Variants in CDH23 observed in about 807,000 individuals in gnomAD.
CDH23 encodes cadherin related 23.
In CDH23, 189 loss-of-function variants were observed where a neutral mutation model predicts 317.1. That is an observed-to-expected ratio of 0.60 (90% CI 0.53 to 0.67). The LOEUF is 0.67. CDH23 is among the 30% of genes least tolerant of loss of function. The probability of loss-of-function intolerance (pLI) is 0.00; values close to 1 mark genes in which losing one functional copy is unlikely to be tolerated. For missense variants in CDH23, 4,401 were observed against 4,592.4 expected (o/e 0.96, Z 1.20); for synonymous variants, 1,839 against 1,876.8 (o/e 0.98, Z 0.52).
chr10:71,799,495 G>A lies in CDH23; in HGVS notation c.7228G>A (p.Ala2410Thr). Residue 2410 changes from alanine to threonine, a missense_variant, in exon 52 of 70, where the codon GCT (alanine) becomes ACT (threonine). Ala to Thr is a moderately conservative substitution (Grantham distance 58). Coordinates refer to ENST00000224721, the MANE Select transcript of CDH23 (RefSeq NM_022124.6). ...CTCCCTGCCCCCTGGGCTCCAGGAGGCTGTCTTTGAGGATGTGCCTGTGGG... is the reference window on the plus strand; with the variant it reads ...CTCCCTGCCCCCTGGGCTCCAGGAGACTGTCTTTGAGGATGTGCCTGTGGG... Reference protein sequence around the residue: ...PIFDQPSYQEAVFEDVPVGTI... With the variant: ...PIFDQPSYQETVFEDVPVGTI... 1 of 1,614,058 alleles carries A rather than the reference G, an allele frequency of 6.2e-7. No homozygotes were observed. The highest frequency in any genetic ancestry group is 8.5e-7 in the Non-Finnish European group (1 of 1,179,918).
rs148820070 is a variant in CDH23, at chr10:71,533,125, A to G, written c.429+21913A>G. Among the ~76,000 whole-genome samples, 147 of 152,272 alleles carry G rather than the reference A, an allele frequency of 9.7e-4. 3 individuals carry two copies. The East Asian group carries it at 0.025, about 26-fold the overall frequency. On this transcript the variant is annotated intron_variant, in intron 6 of 69. Transcript: ENST00000224721. ...GTTCTGGCCTCTGCTGGGTGGGACT[A>G]CGTCTTTGTAGACCATGGATTGCTG...
chr10:71,529,392 G>A (rs946397340), intron 6 of CDH23, among the ~76,000 whole-genome samples: 7 of 152,296 alleles, frequency 4.6e-5, no homozygotes, highest in Middle Eastern at 3.4e-3. Context: ...GGTGCAGGGA[G>A]GAGAGCGCTG....
At chr10:71,768,515 C>T (rs545992652) in intron 38 of CDH23, among the ~76,000 whole-genome samples, 52 of 151,448 alleles carry the variant, frequency 3.4e-4, no homozygotes, top group African/African-American at 1.2e-3. Context: ...GCTCTTCACT[C>T]AGGCTGGAAT....
Position 71,446,348 on chromosome 10 carries a change from A to T in CDH23, c.98A>T (p.Asn33Ile). The T allele has an allele frequency of 6.2e-7, 1 of 1,613,994 alleles. No individual in the cohort carries two copies. The highest frequency in any genetic ancestry group is 8.5e-7 in the Non-Finnish European group (1 of 1,179,880). The change falls in exon 3 of 70, where the codon AAC becomes ATC. Residue 33 changes from asparagine to isoleucine, a missense_variant. Asn to Ile is a moderately radical substitution (Grantham distance 149). Transcript: ENST00000224721. ...GQVNRLPFFT[N>I]HFFDTYLLIS... ...GTGAACCGGCTGCCCTTCTTCACCAACCACTTCTTTGATACATACCTGCTG... is the reference window on the plus strand; with the variant it reads ...GTGAACCGGCTGCCCTTCTTCACCATCCACTTCTTTGATACATACCTGCTG...
At chr10:71,548,254 G>A (rs1370337972) in intron 6 of CDH23, among the ~76,000 whole-genome samples, 1 of 152,218 alleles carries the variant, frequency 6.6e-6, no homozygotes, top group Non-Finnish European at 1.5e-5. Flanking sequence ...GCGGGGTGGA[G>A]ACAGAGAGGG....
Position 71,811,601 on chromosome 10 carries a change from C to A in CDH23, c.9278+11C>A. ...GTACTACAGGACTGTGTGAGTGTCC[C>A]CCACCCCTGCCATCAGGGGGCCGAC... is the stretch of plus-strand genomic sequence containing the variant. On this transcript the variant is annotated intron_variant, in intron 64 of 69. Coordinates refer to ENST00000224721, the MANE Select transcript of CDH23 (RefSeq NM_022124.6). 1 of 1,613,944 alleles carries A rather than the reference C, an allele frequency of 6.2e-7. No homozygotes were observed. Among genetic ancestry groups the A allele is most frequent in the Non-Finnish European group, 8.5e-7 (1 of 1,179,884 alleles).
chr10:71,422,790 G>A (rs1240913565), intron 1 of CDH23, among the ~76,000 whole-genome samples: 1 of 152,168 alleles, frequency 6.6e-6, no homozygotes, highest in Non-Finnish European at 1.5e-5. Flanking sequence ...CTGCCATCAG[G>A]AAACTGGATC....
chr10:71,624,035 AGTCTTT>A (rs1488398456), intron 11 of CDH23, among the ~76,000 whole-genome samples: 15 of 152,350 alleles, frequency 9.8e-5, no homozygotes, highest in African/African-American at 3.1e-4. Flanking sequence ...TGGGCCAGTC[AGTCTTT>A]AAGACTCTAC....
intron 6 of CDH23, among the ~76,000 whole-genome samples, chr10:71,524,182 CTG>C (rs1280294231): frequency 2.0e-5 from 3 of 152,218 alleles, no homozygotes; most frequent in African/African-American, 7.2e-5. Flanking sequence ...TTACGGGTGA[CTG>C]TGAGCTCTGT....
rs868733212 is a variant in CDH23, at chr10:71,690,525, A to G, written c.2117A>G (p.Gln706Arg). The change falls in exon 20 of 70, where the codon CAG becomes CGG. Residue 706 changes from glutamine to arginine, a missense_variant. Transcript: ENST00000224721. ...TDLDRSREYG[Q>R]ESIIYSLEGS... ...CTGGACCGCTCCCGGGAGTACGGCC[A>G]GGAGTCCATCATCTACTCCTTGGAA... The G allele has an allele frequency of 1.6e-5, 25 of 1,611,544 alleles. No individual in the cohort carries two copies. In the Middle Eastern group the frequency reaches 4.9e-4, roughly 32 times the overall value.
chr10:71,687,093 T>C (rs1864935400), intron 18 of CDH23, among the ~76,000 whole-genome samples: 1 of 152,120 alleles, frequency 6.6e-6, no homozygotes, highest in Admixed American at 6.5e-5. Context: ...GAAGAGCCGT[T>C]GTTCTCATGT....
chr10:71,791,719 G>A (rs1841256673), intron 47 of CDH23, among the ~76,000 whole-genome samples: 1 of 151,990 alleles, frequency 6.6e-6, no homozygotes, highest in Non-Finnish European at 1.5e-5. Flanking sequence ...GGGATTACAG[G>A]CGCCCACCAC....
intron 57 of CDH23, 33 bp from the exon 58 acceptor site, chr10:71,807,244 G>T: frequency 6.2e-7 from 1 of 1,608,814 alleles, no homozygotes; most frequent in Non-Finnish European, 8.5e-7. Context: ...TCTTCCCTTG[G>T]CCCCATGTGA....
intron 47 of CDH23, among the ~76,000 whole-genome samples, chr10:71,792,893 A>G (rs1841301410): frequency 7.1e-6 from 1 of 139,990 alleles, no homozygotes; most frequent in Non-Finnish European, 1.5e-5. Flanking sequence ...AGTTGTCATA[A>G]TTATGTGACT....
intron 38 of CDH23, among the ~76,000 whole-genome samples, chr10:71,765,477 C>T (rs537747942): frequency 1.3e-5 from 2 of 152,230 alleles, no homozygotes; most frequent in East Asian, 1.9e-4. Flanking sequence ...GTGGGGCTAG[C>T]GTGGTTGTTG....
At chr10:71,489,369 T>C (rs1302311214) in intron 3 of CDH23, among the ~76,000 whole-genome samples, 1 of 152,246 alleles carries the variant, frequency 6.6e-6, no homozygotes, top group Non-Finnish European at 1.5e-5. Flanking sequence ...ACAAAGCTAA[T>C]GTGTTTGAAA....
chr10:71,697,443 C>G (rs1241799626), intron 22 of CDH23, among the ~76,000 whole-genome samples: 2 of 152,162 alleles, frequency 1.3e-5, no homozygotes, highest in Non-Finnish European at 2.9e-5. Context: ...CCAAGGCAGG[C>G]AGATCGCTTG....
intron 26 of CDH23, among the ~76,000 whole-genome samples, chr10:71,708,823 T>C (rs1209033821): frequency 6.6e-6 from 1 of 152,224 alleles, no homozygotes; most frequent in African/African-American, 2.4e-5. Context: ...GGTTCTCCTC[T>C]GTGAGGTGGA....
intron 39 of CDH23, 113 bp downstream of exon 39, chr10:71,778,014 T>G (rs993036570): frequency 4.2e-6 from 6 of 1,428,846 alleles, no homozygotes; most frequent in Admixed American, 3.9e-5. Flanking sequence ...GGGGAAACTG[T>G]GGGGGCACTC....
Sources: allele counts gnomAD v4.1 joint callset (sites outside exome capture counted in the v4.1 genomes callset), GRCh38; gene constraint gnomAD v4.1.1; transcripts MANE v1.5; gene names NCBI Gene and HGNC (gene_info 2026-07-23, HGNC 2026-07-21).